OTOGL: variants seen among roughly 807,000 people sequenced by gnomAD.
OTOGL encodes the protein otogelin-like protein.
Under a neutral mutation model 318.5 loss-of-function variants are expected in OTOGL, and 285 were observed. That is an observed-to-expected ratio of 0.89 (90% CI 0.81 to 0.99). OTOGL has a LOEUF of 0.99. Ranked by LOEUF, OTOGL falls within the 50% of genes least tolerant of loss-of-function variation. The pLI, the probability that OTOGL is intolerant of heterozygous loss-of-function variation, is 0.00. For synonymous variants in OTOGL, 987 were observed against 936.5 expected, an observed-to-expected ratio of 1.05 and a Z score of -0.99; for missense variants, 2,899 against 2,845.6, an observed-to-expected ratio of 1.02 and a Z score of -0.43.
intron 1 of OTOGL, among the ~76,000 whole-genome samples, chr12:80,176,807 A>T (rs538155930): frequency 1.3e-4 from 20 of 152,136 alleles, no homozygotes; most frequent in East Asian, 3.9e-4. Context: ...ATTTTTTTTA[A>T]AAAAATTGTC....
chr12:80,377,021 A>G, intron 57 of OTOGL, 102 bp from the exon 58 acceptor site: 2 of 700,804 alleles, frequency 2.9e-6, no homozygotes, highest in Non-Finnish European at 4.5e-6. Context: ...TATATTTTAT[A>G]TAAATACACC....
At chr12:80,231,848 A>G (rs1879393207) in intron 8 of OTOGL, among the ~76,000 whole-genome samples, 1 of 149,614 alleles carries the variant, frequency 6.7e-6, no homozygotes, top group Non-Finnish European at 1.5e-5. Flanking sequence ...TGTGTTGGCC[A>G]GTCTGGTCTC....
chr12:80,197,743 G>A (rs1263036521), intron 1 of OTOGL, among the ~76,000 whole-genome samples: 1 of 152,234 alleles, frequency 6.6e-6, no homozygotes, highest in Non-Finnish European at 1.5e-5. Flanking sequence ...GTCGAGTTCA[G>A]CTCTCCAAGG....
chr12:80,220,391 T>C (rs1878192831), intron 6 of OTOGL, among the ~76,000 whole-genome samples: 1 of 152,112 alleles, frequency 6.6e-6, no homozygotes, highest in African/African-American at 2.4e-5. Flanking sequence ...ACTCCTGAAC[T>C]CAGGTGATCC....
intron 1 of OTOGL, among the ~76,000 whole-genome samples, chr12:80,123,124 G>A (rs563468900): frequency 2.6e-5 from 4 of 151,876 alleles, no homozygotes; most frequent in East Asian, 1.9e-4. Context: ...ATGCTGGTGT[G>A]CTGCACCCAA....
chr12:80,176,576 C>T (rs1179904150), intron 1 of OTOGL, among the ~76,000 whole-genome samples: 2 of 151,838 alleles, frequency 1.3e-5, no homozygotes, highest in Non-Finnish European at 2.9e-5. Flanking sequence ...TTGCATGTAC[C>T]AATTATTTTT....
intron 26 of OTOGL, among the ~76,000 whole-genome samples, chr12:80,293,227 A>C (rs1885164489): frequency 6.6e-6 from 1 of 152,162 alleles, no homozygotes; most frequent in Non-Finnish European, 1.5e-5. Context: ...TCAAAAGGTA[A>C]ATAAAAATCT....
Position 80,370,609 on chromosome 12 carries a change from T to A in OTOGL, c.6655T>A (p.Cys2219Ser), listed in dbSNP as rs141279700. The A allele has an allele frequency of 6.3e-6, 10 of 1,579,752 alleles. No individual in the cohort carries two copies. In the African/African-American group the frequency reaches 9.5e-5, roughly 15 times the overall value. ...GCACTACAATTGCACCACATATGAA[T>A]GTGTTAAAACTGATGAAGGAGCAAT... ...TWHYNCTTYE[C>S]VKTDEGAIIL... The change falls in exon 56 of 59, where the codon TGT (cysteine) becomes AGT (serine). Residue 2219 changes from cysteine (C) to serine (S), a missense_variant. Cys to Ser is a moderately radical substitution (Grantham distance 112). Transcript: ENST00000547103.
At chr12:80,306,412 C>T (rs1886107052) in intron 29 of OTOGL, among the ~76,000 whole-genome samples, 1 of 152,208 alleles carries the variant, frequency 6.6e-6, no homozygotes, top group Non-Finnish European at 1.5e-5. Context: ...ATTCTTTCCT[C>T]TACTTTCTTT....
intron 1 of OTOGL, among the ~76,000 whole-genome samples, chr12:80,114,191 T>C (rs1487588071): frequency 6.6e-6 from 1 of 152,144 alleles, no homozygotes; most frequent in Non-Finnish European, 1.5e-5. Flanking sequence ...TTAGTTGATG[T>C]AGTTTCTTCA....
Position 80,318,634 on chromosome 12 carries a change from T to C in OTOGL, c.3723T>C (p.Cys1241=). Residue 1241 remains cysteine (C), a synonymous_variant, in exon 33 of 59, where the codon TGT becomes TGC. Coordinates refer to ENST00000547103, the MANE Select transcript of OTOGL (RefSeq NM_001378609.3). ...GANMTSRSVF[C]LPRSSVHTSL... The stretch of plus-strand genomic sequence containing the variant: ...ATATGACCAGCAGAAGCGTTTTCTG[T>C]TTGCCGAGAAGCAGTGTTCATACCA... 8.8e-6 allele frequency: 13 copies of C among 1,475,914 alleles called. No homozygotes were observed. The highest frequency in any genetic ancestry group is 1.2e-5 in the Non-Finnish European group (13 of 1,112,060). The allele number at this position is 1,475,914 out of a possible 1,614,324, so 91.4% of individuals were successfully genotyped here.
At chr12:80,375,013 A>G (rs569856763) in intron 57 of OTOGL, among the ~76,000 whole-genome samples, 6 of 152,176 alleles carry the variant, frequency 3.9e-5, no homozygotes, top group Non-Finnish European at 7.3e-5. Context: ...ATCTGGGCCC[A>G]GGATCTTTCA....
At chr12:80,253,358 C>T in intron 13 of OTOGL, 108 bp from the exon 14 acceptor site, 4 of 952,674 alleles carry the variant, frequency 4.2e-6, no homozygotes, top group Non-Finnish European at 6.3e-6. Context: ...TTTGTATTTC[C>T]AGCATCATGC....
rs901175729 is a variant in OTOGL, at chr12:80,266,738, A to T, written c.2390+122A>T. Reference sequence around the variant, plus strand: ...TCTTATTGTCTTTACTTTTTTTTTTAAAAAACCCTGCAAATGTTCATCAAC... The same window carrying T: ...TCTTATTGTCTTTACTTTTTTTTTTTAAAAACCCTGCAAATGTTCATCAAC... On this transcript the variant is annotated intron_variant, in intron 21 of 58. Transcript: ENST00000547103. 3.2e-4 allele frequency: 306 copies of T among 956,252 alleles called. 1 individual carries two copies. Among genetic ancestry groups the T allele is most frequent in the Non-Finnish European group, 3.9e-4 (261 of 667,074 alleles). 59.2% of individuals were successfully genotyped at this position (956,252 alleles called of 1,614,324 possible).
chr12:80,358,595 A>G, intron 50 of OTOGL, 76 bp from the exon 51 acceptor site: 1 of 1,140,012 alleles, frequency 8.8e-7, no homozygotes, highest in Non-Finnish European at 1.3e-6. Context: ...TTGTAATGGC[A>G]GTGAACTAAA....
intron 52 of OTOGL, among the ~76,000 whole-genome samples, chr12:80,361,464 G>A (rs1203123974): frequency 7.0e-6 from 1 of 142,462 alleles, no homozygotes; most frequent in African/African-American, 2.6e-5. Context: ...ATATCTCTAC[G>A]ATATAGTGAT....
intron 24 of OTOGL, among the ~76,000 whole-genome samples, chr12:80,275,023 G>A (rs918817975): frequency 2.0e-5 from 3 of 151,938 alleles, no homozygotes; most frequent in Non-Finnish European, 4.4e-5. Context: ...ATATATTAAT[G>A]TTGTTTTCAT....
intron 57 of OTOGL, among the ~76,000 whole-genome samples, chr12:80,372,816 G>A (rs1184100898): frequency 6.6e-6 from 1 of 151,878 alleles, no homozygotes. Context: ...AGCCTCCTGA[G>A]TAGCTGGGAT....
At position 80,302,688 on chromosome 12, in the gene OTOGL, G is replaced by A; in HGVS notation, c.3118G>A (p.Gly1040Ser). 6.9e-7 allele frequency: 1 copy of A among 1,445,814 alleles called. No homozygotes were observed. The highest frequency in any genetic ancestry group is 9.1e-7 in the Non-Finnish European group (1 of 1,097,262). 89.6% of individuals were successfully genotyped at this position (1,445,814 alleles called of 1,614,324 possible). Residue 1040 changes from glycine (G) to serine (S), a missense_variant, in exon 28 of 59, where the codon GGT (glycine) becomes AGT (serine). This residue lies in a region of OTOGL where 2,607 missense variants were observed against 2,524.9 expected (regional missense o/e 1.03). Transcript: ENST00000547103. ...NKSTYQLWKA[G>S]YYIVVYFPEK... ...ATCTACCTACCAGCTTTGGAAGGCT[G>A]GTTACTATATAGTAGTATACTTTCC...
Sources: gnomAD v4.1 joint callset for allele counts (sites outside exome capture counted in the v4.1 genomes callset) on GRCh38, gnomAD v4.1.1 for gene constraint, gnomAD v4.1.1 regional missense constraint, MANE v1.5 for transcripts, NCBI Gene and HGNC (gene_info 2026-07-23, HGNC 2026-07-21) for gene names.